Variants in RMST observed in about 807,000 individuals in gnomAD.
RMST encodes rhabdomyosarcoma 2 associated transcript.
chr12:97,546,540 C>T (rs535312828), intron 11 of RMST, among the ~76,000 whole-genome samples: 24 of 152,108 alleles, frequency 1.6e-4, no homozygotes, highest in Non-Finnish European at 3.1e-4. Flanking sequence ...CGAGATCTCA[C>T]CACTGCACTC....
intron 10 of RMST, among the ~76,000 whole-genome samples, chr12:97,504,987 A>G (rs1323399569): frequency 2.0e-5 from 3 of 152,194 alleles, no homozygotes; most frequent in African/African-American, 7.2e-5. Flanking sequence ...CCCCTGTTAG[A>G]GAGTCTCTCA....
chr12:97,468,506 T>C (rs1275858932), intron 5 of RMST, among the ~76,000 whole-genome samples: 1 of 152,034 alleles, frequency 6.6e-6, no homozygotes, highest in African/African-American at 2.4e-5. Context: ...GTTGACATTA[T>C]TTAAGCACAG....
chr12:97,467,962 C>CT (rs926886591), intron 5 of RMST, among the ~76,000 whole-genome samples: 1 of 152,002 alleles, frequency 6.6e-6, no homozygotes, highest in South Asian at 2.1e-4. Flanking sequence ...TCAATAAAAT[C>CT]TTTTTTTCAG....
intron 5 of RMST, among the ~76,000 whole-genome samples, chr12:97,490,143 A>G (rs1383267211): frequency 2.0e-5 from 3 of 152,236 alleles, no homozygotes; most frequent in African/African-American, 7.2e-5. Context: ...AGAATGAGTG[A>G]GAAATAGAAG....
chr12:97,523,814 A>C (rs1476166653), intron 10 of RMST, among the ~76,000 whole-genome samples: 1 of 152,130 alleles, frequency 6.6e-6, no homozygotes, highest in African/African-American at 2.4e-5. Flanking sequence ...GCAGTGGCTC[A>C]TGCCTGCAAT....
intron 11 of RMST, among the ~76,000 whole-genome samples, chr12:97,553,954 T>TC (rs1418486111): frequency 6.8e-6 from 1 of 147,170 alleles, no homozygotes. Context: ...TTTCTCTTTT[T>TC]TTTTTTTTTT....
intron 10 of RMST, among the ~76,000 whole-genome samples, chr12:97,497,707 A>G (rs1367305269): frequency 6.7e-6 from 1 of 150,032 alleles, no homozygotes; most frequent in East Asian, 1.9e-4. Context: ...TTCTTTTTCT[A>G]ACTTGTTAAA....
chr12:97,511,175 G>T (rs1357600903), intron 10 of RMST, among the ~76,000 whole-genome samples: 1 of 147,994 alleles, frequency 6.8e-6, no homozygotes, highest in Non-Finnish European at 1.5e-5. Context: ...TTGAGATGGC[G>T]TCTCGCTCTG....
At chr12:97,493,629 A>G (rs999799520) in intron 7 of RMST, among the ~76,000 whole-genome samples, 2 of 152,136 alleles carry the variant, frequency 1.3e-5, no homozygotes, top group African/African-American at 4.8e-5. Context: ...TCTTAAACCT[A>G]TAACCAAGAA....
At chr12:97,490,637 A>C (rs1461578412) in intron 5 of RMST, among the ~76,000 whole-genome samples, 1 of 152,216 alleles carries the variant, frequency 6.6e-6, no homozygotes, top group African/African-American at 2.4e-5. Flanking sequence ...TATGTTTGGC[A>C]ACAATTTTAT....
rs1242517865 is a variant in RMST, at chr12:97,557,323, C to CAGA, written n.1546-3214_1546-3213insAGA. ...GTTTCTTGAGTGGAGTTGCAGTACACCTGAGAGGTTGTTAATTCAGCTGTG... is the reference window on the plus strand; with the variant it reads ...GTTTCTTGAGTGGAGTTGCAGTACACAGACTGAGAGGTTGTTAATTCAGCTGTG... On this transcript the variant is annotated intron_variant and non_coding_transcript_variant, in intron 11 of 13. Coordinates refer to ENST00000640149, the Ensembl canonical transcript of RMST. Among the ~76,000 whole-genome samples, 13 of 152,226 alleles carry CAGA rather than the reference C, an allele frequency of 8.5e-5. No individual in the cohort carries two copies. The East Asian group carries it at 2.5e-3, about 29-fold the overall frequency.
intron 10 of RMST, among the ~76,000 whole-genome samples, chr12:97,511,708 C>G (rs1395075471): frequency 6.6e-6 from 1 of 152,128 alleles, no homozygotes; most frequent in African/African-American, 2.4e-5. Flanking sequence ...AATGAAATAA[C>G]TAATTACAGC....
At chr12:97,520,366 C>T (rs1318130715) in intron 10 of RMST, among the ~76,000 whole-genome samples, 1 of 152,136 alleles carries the variant, frequency 6.6e-6, no homozygotes, top group Non-Finnish European at 1.5e-5. Context: ...ATTATGCAGA[C>T]AGGGCTCTGA....
At chr12:97,462,996 G>A (rs965029147) in intron 3 of RMST, 2 of 136,864 alleles carry the variant, frequency 1.5e-5, no homozygotes, top group Non-Finnish European at 3.2e-5. Context: ...GAGGTTTTAG[G>A]TTCTTAGTCT....
At chr12:97,493,761 T>G (rs1206828927) in intron 7 of RMST, 2 of 152,234 alleles carry the variant, frequency 1.3e-5, no homozygotes, top group Non-Finnish European at 2.9e-5. Flanking sequence ...AGCTAATTTG[T>G]GCTATAATTT....
chr12:97,489,045 C>T (rs1213605426), intron 5 of RMST, among the ~76,000 whole-genome samples: 5 of 152,058 alleles, frequency 3.3e-5, no homozygotes, highest in African/African-American at 7.2e-5. Flanking sequence ...TCACTGCCAT[C>T]GAGGTCAATT....
intron 5 of RMST, among the ~76,000 whole-genome samples, chr12:97,491,059 A>G (rs1876739418): frequency 6.6e-6 from 1 of 152,228 alleles, no homozygotes; most frequent in Non-Finnish European, 1.5e-5. Context: ...TATGTCATAG[A>G]TAACAGTTCT....
intron 11 of RMST, among the ~76,000 whole-genome samples, chr12:97,536,717 G>T (rs886909297): frequency 1.3e-5 from 2 of 151,372 alleles, no homozygotes; most frequent in African/African-American, 4.8e-5. Flanking sequence ...TCTGAAGGAG[G>T]AAAAAGAAGT....
At chr12:97,469,021 A>G (rs1593113016) in intron 5 of RMST, among the ~76,000 whole-genome samples, 1 of 151,860 alleles carries the variant, frequency 6.6e-6, no homozygotes, top group East Asian at 1.9e-4. Flanking sequence ...TCGCAATCCA[A>G]ATTATTTTGG....
Sources: gnomAD v4.1 joint callset for allele counts (sites outside exome capture counted in the v4.1 genomes callset) on GRCh38, gnomAD v4.1.1 for gene constraint, MANE v1.5 for transcripts, NCBI Gene and HGNC (gene_info 2026-07-23, HGNC 2026-07-21) for gene names.